KCNB2: variants seen among roughly 807,000 people sequenced by gnomAD.
The protein encoded by KCNB2 is delayed rectifier potassium channel protein.
A neutral mutation model predicts 61.5 loss-of-function variants in KCNB2; 15 were observed. The observed-to-expected ratio is 0.24, with a 90% CI of 0.16 to 0.38. The LOEUF is 0.38. Among genes scored for constraint, KCNB2 ranks in the 10% least tolerant of loss-of-function variants. KCNB2 has a pLI of 1.00. For synonymous variants in KCNB2, 457 were observed against 446.0 expected, an observed-to-expected ratio of 1.02 and a Z score of -0.31; for missense variants, 828 against 1,125.2, an observed-to-expected ratio of 0.74 and a Z score of 3.78.
intron 2 of KCNB2, among the ~76,000 whole-genome samples, chr8:72,928,041 T>C (rs943111494): frequency 6.6e-6 from 1 of 152,190 alleles, no homozygotes; most frequent in Non-Finnish European, 1.5e-5. Context: ...TTATAGAATC[T>C]GAATAGAGCC....
intron 2 of KCNB2, among the ~76,000 whole-genome samples, chr8:72,635,504 G>T (rs961728681): frequency 6.6e-6 from 1 of 152,142 alleles, no homozygotes; most frequent in Non-Finnish European, 1.5e-5. Flanking sequence ...TGGGGAATAT[G>T]AAGCCCAGTG....
In KCNB2 at chr8:72,561,540, A is replaced by G. The variant is rs537393379; in HGVS notation, c.-93-6102A>G. On this transcript the variant is annotated intron_variant, in intron 1 of 2. Coordinates refer to ENST00000523207, the MANE Select transcript of KCNB2 (RefSeq NM_004770.3). ...CACCTTCCACTTTCTAAGGACAAGG[A>G]CAGCATTTCAGTTATTTCTAGAACT... Among the ~76,000 whole-genome samples, 3 of 150,972 alleles carry G rather than the reference A, an allele frequency of 2.0e-5. No individual in the cohort carries two copies. The East Asian group carries it at 5.8e-4, about 29-fold the overall frequency.
intron 1 of KCNB2, among the ~76,000 whole-genome samples, chr8:72,559,607 A>G (rs528018812): frequency 5.1e-4 from 77 of 152,316 alleles, no homozygotes; most frequent in African/African-American, 1.8e-3. Context: ...GGAAGCAGAG[A>G]TAAGGAAAGA....
chr8:72,749,939 A>C (rs1238699761), intron 2 of KCNB2, among the ~76,000 whole-genome samples: 1 of 150,520 alleles, frequency 6.6e-6, no homozygotes, highest in Non-Finnish European at 1.5e-5. Flanking sequence ...ATGAAGGTGT[A>C]GAATATTAGT....
At chr8:72,647,878 T>G (rs1806155062) in intron 2 of KCNB2, among the ~76,000 whole-genome samples, 1 of 152,184 alleles carries the variant, frequency 6.6e-6, no homozygotes. Context: ...AAAATGGCTT[T>G]CAGGTACTTG....
At chr8:72,887,687 G>A (rs1363064070) in intron 2 of KCNB2, among the ~76,000 whole-genome samples, 1 of 152,206 alleles carries the variant, frequency 6.6e-6, no homozygotes, top group Non-Finnish European at 1.5e-5. Context: ...TTTCCTAAGT[G>A]CTTTATTTCT....
At position 72,555,947 on chromosome 8, in the gene KCNB2, A is replaced by G. The variant is rs185433680; in HGVS notation, c.-93-11695A>G. 3.5e-3 allele frequency among the ~76,000 whole-genome samples: 529 copies of G among 152,166 alleles called. 1 individual carries two copies. The highest frequency in any genetic ancestry group is 5.4e-3 in the Non-Finnish European group (366 of 67,992). On this transcript the variant is annotated intron_variant, in intron 1 of 2. Transcript: ENST00000523207. ...AACCACACTACTCCTTTCAATGAGA[A>G]TAATATCCTTCGTTTGTTTTTGAAT...
intron 2 of KCNB2, among the ~76,000 whole-genome samples, chr8:72,580,887 A>G (rs1348072663): frequency 6.6e-6 from 1 of 152,168 alleles, no homozygotes; most frequent in African/African-American, 2.4e-5. Context: ...CAGAATTAAA[A>G]TATGTCTTTC....
chr8:72,748,843 A>AT (rs952515468), intron 2 of KCNB2, among the ~76,000 whole-genome samples: 6 of 151,890 alleles, frequency 4.0e-5, no homozygotes, highest in Admixed American at 6.6e-5. Flanking sequence ...CTCACATACC[A>AT]TTTTTTTGCA....
intron 2 of KCNB2, among the ~76,000 whole-genome samples, chr8:72,777,310 G>T (rs1007534581): frequency 2.0e-5 from 3 of 152,190 alleles, no homozygotes; most frequent in Admixed American, 1.3e-4. Context: ...GTATGATGTG[G>T]CACTTGGCAG....
At chr8:72,571,048 T>G (rs1806700023) in intron 2 of KCNB2, among the ~76,000 whole-genome samples, 1 of 152,204 alleles carries the variant, frequency 6.6e-6, no homozygotes, top group Non-Finnish European at 1.5e-5. Flanking sequence ...ACTTAATAGA[T>G]TCCTGTAATG....
intron 2 of KCNB2, among the ~76,000 whole-genome samples, chr8:72,851,353 C>T (rs1417333006): frequency 6.6e-6 from 1 of 152,184 alleles, no homozygotes; most frequent in African/African-American, 2.4e-5. Flanking sequence ...CAGAACAATA[C>T]ATGATAAAGT....
At chr8:72,732,654 C>G (rs1807766938) in intron 2 of KCNB2, among the ~76,000 whole-genome samples, 1 of 152,204 alleles carries the variant, frequency 6.6e-6, no homozygotes, top group Non-Finnish European at 1.5e-5. Flanking sequence ...TGCTGGTGAT[C>G]CTGTGGACTT....
chr8:72,818,429 C>G (rs1809440366), intron 2 of KCNB2, among the ~76,000 whole-genome samples: 1 of 152,146 alleles, frequency 6.6e-6, no homozygotes, highest in Non-Finnish European at 1.5e-5. Flanking sequence ...CCACCATTAA[C>G]TTGATCTGTG....
intron 2 of KCNB2, among the ~76,000 whole-genome samples, chr8:72,830,380 C>T (rs1809674901): frequency 6.6e-6 from 1 of 152,120 alleles, no homozygotes; most frequent in African/African-American, 2.4e-5. Context: ...AAGATGGACC[C>T]ATTCAAAGAT....
At chr8:72,814,607 A>T (rs551754175) in intron 2 of KCNB2, among the ~76,000 whole-genome samples, 52 of 152,296 alleles carry the variant, frequency 3.4e-4, no homozygotes, top group South Asian at 1.7e-3. Flanking sequence ...ATAATTTTTT[A>T]AAAAAAGAAA....
intron 2 of KCNB2, among the ~76,000 whole-genome samples, chr8:72,767,470 T>G (rs1186322031): frequency 1.3e-5 from 2 of 152,226 alleles, no homozygotes; most frequent in African/African-American, 4.8e-5. Context: ...ATAAATGGAA[T>G]CATACAATAT....
At chr8:72,917,537 T>C (rs1406107130) in intron 2 of KCNB2, among the ~76,000 whole-genome samples, 2 of 152,244 alleles carry the variant, frequency 1.3e-5, no homozygotes, top group Admixed American at 6.5e-5. Context: ...TAAAATACTC[T>C]TAATTGGCAA....
intron 2 of KCNB2, among the ~76,000 whole-genome samples, chr8:72,800,129 A>T (rs1809099540): frequency 6.6e-6 from 1 of 152,192 alleles, no homozygotes; most frequent in South Asian, 2.1e-4. Flanking sequence ...TAAGTATAGA[A>T]GCAGGCATTT....
Sources: allele counts gnomAD v4.1 joint callset (sites outside exome capture counted in the v4.1 genomes callset), GRCh38; gene constraint gnomAD v4.1.1; transcripts MANE v1.5; gene names NCBI Gene and HGNC (gene_info 2026-07-23, HGNC 2026-07-21).